AACS: variants seen among roughly 807,000 people sequenced by gnomAD.
AACS encodes the protein acetoacetyl-CoA synthetase.
Under a neutral mutation model 83.1 loss-of-function variants are expected in AACS, and 69 were observed. That is an observed-to-expected ratio of 0.83 (90% CI 0.68 to 1.01). The LOEUF is 1.01. Ranked by LOEUF, AACS falls within the 50% of genes least tolerant of loss-of-function variation. AACS has a pLI of 0.00. For missense variants in AACS, 866 were observed against 882.2 expected, an observed-to-expected ratio of 0.98 and a Z score of 0.23; for synonymous variants, 333 against 343.4, an observed-to-expected ratio of 0.97 and a Z score of 0.33.
Position 125,067,786 on chromosome 12 carries a change from G to A in AACS, c.133+2069G>A, listed in dbSNP as rs560401621. Among the ~76,000 whole-genome samples, 27 of 152,172 alleles carry A rather than the reference G, an allele frequency of 1.8e-4. No individual in the cohort carries two copies. In the East Asian group the frequency reaches 4.1e-3, roughly 23 times the overall value. On this transcript the variant is annotated intron_variant, in intron 1 of 17. Transcript: ENST00000316519. ...TGACCTCAGGTGATCCACCTGCCTC[G>A]GCCTCCCAAAGTGCTGGGATTACAG...
At chr12:125,073,652 T>C (rs576271847) in intron 1 of AACS, among the ~76,000 whole-genome samples, 45 of 152,330 alleles carry the variant, frequency 3.0e-4, no homozygotes, top group African/African-American at 1.0e-3. Flanking sequence ...ATAAAATCAC[T>C]GAAGATGACT....
chr12:125,074,291 C>T (rs1444008930), intron 2 of AACS, among the ~76,000 whole-genome samples: 1 of 152,100 alleles, frequency 6.6e-6, no homozygotes, highest in Non-Finnish European at 1.5e-5. Flanking sequence ...GTGGCTCACA[C>T]CTATAATCCC....
At chr12:125,098,320 G>A (rs1299654271) in intron 5 of AACS, among the ~76,000 whole-genome samples, 3 of 151,928 alleles carry the variant, frequency 2.0e-5, no homozygotes, top group African/African-American at 7.3e-5. Flanking sequence ...TCCTGAGCCC[G>A]GGAGGTTGAG....
At chr12:125,074,865 T>G (rs1306933992) in intron 2 of AACS, among the ~76,000 whole-genome samples, 1 of 151,798 alleles carries the variant, frequency 6.6e-6, no homozygotes, top group African/African-American at 2.4e-5. Flanking sequence ...GGTTTTGCCA[T>G]GTTGCCCAGG....
chr12:125,138,083 C>T (rs72487578), intron 17 of AACS, among the ~76,000 whole-genome samples: 9,886 of 152,256 alleles, frequency 0.065, 383 homozygotes, highest in African/African-American at 0.1. Flanking sequence ...GCTTGCAGCA[C>T]GACAACGGTG....
chr12:125,133,535 C>G (rs991328758), intron 14 of AACS, among the ~76,000 whole-genome samples: 8 of 152,226 alleles, frequency 5.3e-5, no homozygotes, highest in Non-Finnish European at 1.2e-4. Context: ...ATGACTCGGA[C>G]TGGTGCAGTA....
At chr12:125,076,977 G>A (rs1371394324) in intron 3 of AACS, among the ~76,000 whole-genome samples, 1 of 151,974 alleles carries the variant, frequency 6.6e-6, no homozygotes, top group South Asian at 2.1e-4. Context: ...GATCATGGAT[G>A]GCTCACTGCA....
chr12:125,080,631 C>T (rs1029341900), intron 3 of AACS, among the ~76,000 whole-genome samples: 3 of 676 alleles, frequency 4.4e-3, no homozygotes. Flanking sequence ...TCACTCCCAC[C>T]ATCTCTTCTC....
At chr12:125,071,732 G>T (rs7964650) in intron 1 of AACS, among the ~76,000 whole-genome samples, 19,522 of 152,166 alleles carry the variant, frequency 0.13, 1,326 homozygotes, top group Middle Eastern at 0.25. Flanking sequence ...GGCCGCTTTT[G>T]CTGTCGTCTC....
chr12:125,131,316 A>T (rs559569949), intron 14 of AACS, among the ~76,000 whole-genome samples: 2 of 151,954 alleles, frequency 1.3e-5, no homozygotes, highest in African/African-American at 4.8e-5. Context: ...GGCTCAAAGG[A>T]TCCTCCCGCC....
intron 2 of AACS, among the ~76,000 whole-genome samples, chr12:125,074,331 C>A (rs537401332): frequency 6.6e-6 from 1 of 152,116 alleles, no homozygotes; most frequent in South Asian, 2.1e-4. Context: ...ATGGGAGGAT[C>A]CCTTGAGCTC....
intron 5 of AACS, 134 bp downstream of exon 5, chr12:125,091,657 C>G: frequency 1.2e-6 from 1 of 848,656 alleles, no homozygotes; most frequent in South Asian, 1.4e-5. Flanking sequence ...TTGCAGCTGC[C>G]TCTATGGGGA....
chr12:125,133,991 C>T lies in AACS; in HGVS notation c.1550-12C>T. On this transcript the variant is annotated splice_polypyrimidine_tract_variant and intron_variant, in intron 14 of 17. Transcript: ENST00000316519. ...TCCTCGGGATGACCGGGCACCTCTG[C>T]TGTCTTTGCAGGTATCTGGGCTCAT... 2 of 1,614,130 alleles carry T rather than the reference C, an allele frequency of 1.2e-6. No homozygotes were observed. The highest frequency in any genetic ancestry group is 1.6e-4 in the Middle Eastern group (1 of 6,062).
At chr12:125,068,034 C>CATGA (rs1032953154) in intron 1 of AACS, among the ~76,000 whole-genome samples, 3 of 152,130 alleles carry the variant, frequency 2.0e-5, no homozygotes, top group African/African-American at 7.2e-5. Context: ...GTGGAGTAAA[C>CATGA]ATGAGCAAGT....
At position 125,130,528 on chromosome 12, in the gene AACS, A is replaced by G. The variant is rs1957315957; in HGVS notation, c.1549+1068A>G. Reference sequence around the variant, plus strand: ...TCTCAGCTTGAGGATCCATCCAAGAAATGATGGCCCTTCATCTTCTGTAAC... The same window carrying G: ...TCTCAGCTTGAGGATCCATCCAAGAGATGATGGCCCTTCATCTTCTGTAAC... On this transcript the variant is annotated intron_variant, in intron 14 of 17. Coordinates refer to ENST00000316519, the MANE Select transcript of AACS (RefSeq NM_023928.5). The surrounding 1 kb of genome is among the most constrained non-coding windows in gnomAD (Gnocchi z 4.9). 6.6e-6 allele frequency among the ~76,000 whole-genome samples: 1 copy of G among 152,228 alleles called. No homozygotes were observed. Among genetic ancestry groups the G allele is most frequent in the African/African-American group, 2.4e-5 (1 of 41,468 alleles).
At chr12:125,104,920 T>G (rs1056630487) in intron 7 of AACS, among the ~76,000 whole-genome samples, 1 of 140,578 alleles carries the variant, frequency 7.1e-6, no homozygotes, top group Non-Finnish European at 1.5e-5. Context: ...CATCTGCTTC[T>G]GGGGAGGCTG....
chr12:125,125,003 A>G lies in AACS; in HGVS notation c.1288A>G (p.Ile430Val), dbSNP rs1320052493. The G allele has an allele frequency of 1.9e-6, 3 of 1,614,182 alleles. No homozygotes were observed. The highest frequency in any genetic ancestry group is 2.2e-5 in the South Asian group (2 of 91,072). The change falls in exon 12 of 18, where the codon ATC becomes GTC. Residue 430 changes from isoleucine to valine, a missense_variant. Coordinates refer to ENST00000316519, the MANE Select transcript of AACS (RefSeq NM_023928.5). ...TGTCTACAGGTGCATCAAGAGCAGC[A>G]TCCTCCTGGGCTCCATCTCAGGTAT... ...EYVYRCIKSS[I>V]LLGSISGGTD...
chr12:125,073,495 A>G (rs955604471), intron 1 of AACS, among the ~76,000 whole-genome samples: 43 of 152,118 alleles, frequency 2.8e-4, no homozygotes, highest in African/African-American at 9.9e-4. Flanking sequence ...TTAAATCCTC[A>G]CAACAGCCCT....
chr12:125,117,746 G>A (rs535396477), intron 9 of AACS: 24 of 152,366 alleles, frequency 1.6e-4, no homozygotes, highest in African/African-American at 5.3e-4. Flanking sequence ...AGCACTTTGT[G>A]AGGCTGAGGC....
Sources: gnomAD v4.1 joint callset for allele counts (sites outside exome capture counted in the v4.1 genomes callset) on GRCh38, gnomAD v4.1.1 for gene constraint, Gnocchi (gnomAD v3.1) non-coding constraint, MANE v1.5 for transcripts, NCBI Gene and HGNC (gene_info 2026-07-23, HGNC 2026-07-21) for gene names.